The following CHRM3 variants were observed in gnomAD, a reference collection of about 807,000 sequenced individuals.
CHRM3 encodes the protein cholinergic receptor muscarinic 3.
A neutral mutation model predicts 41.8 loss-of-function variants in CHRM3; 11 were observed. The observed-to-expected ratio is 0.26, with a 90% CI of 0.17 to 0.44. The LOEUF (loss-of-function observed/expected upper bound fraction) is 0.44. Among genes scored for constraint, CHRM3 ranks in the 20% least tolerant of loss-of-function variants. The pLI, the probability that CHRM3 is intolerant of heterozygous loss-of-function variation, is 1.00. For missense variants in CHRM3, 571 were observed against 745.4 expected (o/e 0.77, Z 2.72); for synonymous variants, 297 against 301.4 (o/e 0.99, Z 0.15).
intron 6 of CHRM3, among the ~76,000 whole-genome samples, chr1:239,901,579 T>C (rs1679572655): frequency 6.6e-6 from 1 of 152,198 alleles, no homozygotes; most frequent in African/African-American, 2.4e-5. Context: ...ACTATTGCTG[T>C]GTTTTATTGT....
At chr1:239,409,417 A>T (rs1660895124) in intron 1 of CHRM3, among the ~76,000 whole-genome samples, 1 of 152,144 alleles carries the variant, frequency 6.6e-6, no homozygotes, top group Admixed American at 6.5e-5. Context: ...GCAATCTAGG[A>T]CCACCTAATC....
intron 1 of CHRM3, among the ~76,000 whole-genome samples, chr1:239,392,884 A>G (rs1022784617): frequency 6.6e-6 from 1 of 152,192 alleles, no homozygotes; most frequent in East Asian, 1.9e-4. Flanking sequence ...AAACCTGGTT[A>G]CTGCTAACTA....
At chr1:239,774,135 T>C (rs1008920694) in intron 5 of CHRM3, among the ~76,000 whole-genome samples, 3 of 152,182 alleles carry the variant, frequency 2.0e-5, no homozygotes, top group Non-Finnish European at 4.4e-5. Context: ...AGCATTTATG[T>C]GTCCCGTGAT....
At chr1:239,426,541 A>G (rs914104209) in intron 1 of CHRM3, among the ~76,000 whole-genome samples, 2 of 151,850 alleles carry the variant, frequency 1.3e-5, no homozygotes, top group African/African-American at 4.8e-5. Flanking sequence ...GGTTCAATGT[A>G]TTCTTAAACA....
intron 4 of CHRM3, among the ~76,000 whole-genome samples, chr1:239,643,601 C>A (rs1327467101): frequency 6.6e-6 from 1 of 152,200 alleles, no homozygotes; most frequent in Non-Finnish European, 1.5e-5. Context: ...CCTGCTGTGC[C>A]CTTTTTTAAA....
intron 1 of CHRM3, among the ~76,000 whole-genome samples, chr1:239,492,486 C>G (rs540219852): frequency 2.0e-4 from 30 of 152,320 alleles, no homozygotes; most frequent in Admixed American, 1.8e-3. Context: ...CATCTAAACA[C>G]TGGTCCTCCT....
chr1:239,868,496 T>C (rs556437027), intron 6 of CHRM3, among the ~76,000 whole-genome samples: 1 of 152,222 alleles, frequency 6.6e-6, no homozygotes, highest in South Asian at 2.1e-4. Context: ...CAGATACAGA[T>C]ATCTCAAAAT....
intron 2 of CHRM3, among the ~76,000 whole-genome samples, chr1:239,495,861 G>A (rs751222737): frequency 9.2e-5 from 14 of 152,124 alleles, no homozygotes; most frequent in Non-Finnish European, 1.8e-4. Context: ...AAAGGCAAGC[G>A]TACTCTTTTC....
intron 5 of CHRM3, among the ~76,000 whole-genome samples, chr1:239,691,690 C>G (rs1452267509): frequency 3.3e-5 from 5 of 152,118 alleles, no homozygotes; most frequent in African/African-American, 1.2e-4. Flanking sequence ...TAAATGAACT[C>G]TAAATGTTTT....
At chr1:239,694,255 G>T (rs936558242) in intron 5 of CHRM3, among the ~76,000 whole-genome samples, 11 of 152,184 alleles carry the variant, frequency 7.2e-5, no homozygotes, top group African/African-American at 2.7e-4. Context: ...ACTTATGATT[G>T]TAATGAAGAC....
intron 1 of CHRM3, among the ~76,000 whole-genome samples, chr1:239,429,965 C>A (rs1251799339): frequency 1.4e-5 from 2 of 141,988 alleles, no homozygotes; most frequent in Non-Finnish European, 3.0e-5. Flanking sequence ...AATAAACACC[C>A]AGACAATCTT....
intron 5 of CHRM3, among the ~76,000 whole-genome samples, chr1:239,761,573 C>T (rs1287453656): frequency 6.6e-6 from 1 of 152,152 alleles, no homozygotes; most frequent in Non-Finnish European, 1.5e-5. Context: ...TCTAGGCCTG[C>T]TTTTTAACTG....
At chr1:239,900,219 G>A (rs896785329) in intron 6 of CHRM3, among the ~76,000 whole-genome samples, 5 of 152,244 alleles carry the variant, frequency 3.3e-5, no homozygotes, top group Middle Eastern at 3.4e-3. Context: ...GAAAATCACC[G>A]TAAACTGAGG....
chr1:239,914,201 T>C lies in CHRM3; in HGVS notation c.*4977T>C, dbSNP rs1680522689. ...ATGCTTAGCAGTTCTGCAGTTCACATACAAAACTCAAAACTCTTTTTATCC... is the reference window on the plus strand; with the variant it reads ...ATGCTTAGCAGTTCTGCAGTTCACACACAAAACTCAAAACTCTTTTTATCC... On this transcript the variant is annotated 3_prime_UTR_variant, in exon 7 of 7. Transcript: ENST00000676153. The C allele has an allele frequency of 1.2e-5, 2 of 167,082 alleles. No homozygotes were observed. The highest frequency in any genetic ancestry group is 2.9e-5 in the Non-Finnish European group (2 of 68,110). The allele number at this position is 167,082 out of a possible 1,614,324, so 10.3% of individuals were successfully genotyped here.
chr1:239,813,203 G>A (rs1429773386), intron 5 of CHRM3, among the ~76,000 whole-genome samples: 4 of 152,060 alleles, frequency 2.6e-5, no homozygotes, highest in Admixed American at 6.5e-5. Context: ...GCTTGAACCC[G>A]GGAGGCAGAG....
At chr1:239,539,155 A>G (rs1446643261) in intron 2 of CHRM3, among the ~76,000 whole-genome samples, 4 of 152,222 alleles carry the variant, frequency 2.6e-5, no homozygotes, top group Non-Finnish European at 5.9e-5. Context: ...ATGCCCAAGA[A>G]GCTGCTTCAG....
At chr1:239,687,671 C>G (rs1332014177) in intron 5 of CHRM3, among the ~76,000 whole-genome samples, 1 of 152,088 alleles carries the variant, frequency 6.6e-6, no homozygotes, top group African/African-American at 2.4e-5. Flanking sequence ...CATAATGATG[C>G]TTCAGTCAAA....
intron 1 of CHRM3, among the ~76,000 whole-genome samples, chr1:239,476,604 G>C (rs962094952): frequency 2.6e-5 from 4 of 152,032 alleles, no homozygotes; most frequent in African/African-American, 9.7e-5. Flanking sequence ...TCTCCCTTTT[G>C]AAATGTGTCA....
At chr1:239,812,544 T>A (rs1446679367) in intron 5 of CHRM3, among the ~76,000 whole-genome samples, 1 of 152,140 alleles carries the variant, frequency 6.6e-6, no homozygotes, top group Non-Finnish European at 1.5e-5. Flanking sequence ...AGTTGGATGG[T>A]TTAATTTTCA....
Sources: allele counts gnomAD v4.1 joint callset (sites outside exome capture counted in the v4.1 genomes callset), GRCh38; gene constraint gnomAD v4.1.1; transcripts MANE v1.5; gene names NCBI Gene and HGNC (gene_info 2026-07-23, HGNC 2026-07-21).